The following SRGAP3 variants were observed in gnomAD, a reference collection of about 807,000 sequenced individuals.
The protein encoded by SRGAP3 is SLIT-ROBO Rho GTPase activating protein 3.
Under a neutral mutation model 121.1 loss-of-function variants are expected in SRGAP3, and 39 were observed. The observed-to-expected ratio is 0.32, with a 90% CI of 0.25 to 0.42. The LOEUF is 0.42. Among genes scored for constraint, SRGAP3 ranks in the 10% least tolerant of loss-of-function variants. The pLI is 1.00. For synonymous variants in SRGAP3, 601 were observed against 570.0 expected (o/e 1.05, Z -0.77); for missense variants, 1,213 against 1,470.6 (o/e 0.82, Z 2.86).
chr3:9,061,807 T>C (rs1002927795), intron 5 of SRGAP3, among the ~76,000 whole-genome samples: 8 of 152,072 alleles, frequency 5.3e-5, no homozygotes, highest in South Asian at 2.1e-4. Context: ...AGGGACCCAA[T>C]TGCCCCCCAG....
intron 3 of SRGAP3, among the ~76,000 whole-genome samples, chr3:9,096,268 A>C (rs1947961952): frequency 6.6e-6 from 1 of 152,208 alleles, no homozygotes; most frequent in Admixed American, 6.5e-5. Flanking sequence ...AAAATTATGA[A>C]ATATTTATAT....
rs1941422992 is a variant in SRGAP3 at position 8,981,713 on chromosome 3, G to T, written c.*3806C>A. 4.3e-6 allele frequency: 1 copy of T among 230,892 alleles called. No homozygotes were observed. The highest frequency in any genetic ancestry group is 8.6e-6 in the Non-Finnish European group (1 of 116,376). 14.3% of individuals were successfully genotyped at this position (230,892 alleles called of 1,614,324 possible). A position where few individuals can be genotyped will look rare whatever the true frequency, so the allele number is the denominator to read the frequency against. ...ACAAACCGGTTTTAAATGTTTATAAGGCAGATCTCTGAACTGCTGGTTCCA... is the reference window on the plus strand; with the variant it reads ...ACAAACCGGTTTTAAATGTTTATAATGCAGATCTCTGAACTGCTGGTTCCA... On this transcript the variant is annotated 3_prime_UTR_variant, in exon 22 of 22. Transcript: ENST00000383836.
chr3:9,067,897 T>C (rs1416383240), intron 4 of SRGAP3, among the ~76,000 whole-genome samples: 1 of 152,160 alleles, frequency 6.6e-6, no homozygotes, highest in Non-Finnish European at 1.5e-5. Flanking sequence ...AGGGGGTTTC[T>C]AGGAGTTTTA....
Position 9,104,780 on chromosome 3 carries a change from C to T in SRGAP3, c.323G>A (p.Arg108Gln), listed in dbSNP as rs764134718. Residue 108 changes from arginine to glutamine, a missense_variant, in exon 3 of 22, where the codon CGG (arginine) becomes CAG (glutamine). By Grantham distance (43) the Arg-to-Gln change is conservative (BLOSUM62 1). Around this residue, in one of 2 missense-constraint regions of SRGAP3, gnomAD observed 793 missense variants for 1,032.9 expected, o/e 0.77. Coordinates refer to ENST00000383836, the MANE Select transcript of SRGAP3 (RefSeq NM_014850.4). ...GAGGGTGGCATGGTCTCGGCTCTCC[C>T]GCCGGGTCTGATGCAGAACCAGATA... ...CWYLVLHQTRRESRDHATLND... is the reference protein window; with the variant it reads ...CWYLVLHQTRQESRDHATLND... 100 of 1,614,122 alleles carry T rather than the reference C, an allele frequency of 6.2e-5. 2 individuals are homozygous for T. Among genetic ancestry groups the T allele is most frequent in the South Asian group, 5.4e-4 (49 of 91,086 alleles).
intron 1 of SRGAP3, among the ~76,000 whole-genome samples, chr3:9,132,849 G>T (rs1024478681): frequency 2.1e-4 from 32 of 151,228 alleles, no homozygotes; most frequent in African/African-American, 7.0e-4. Flanking sequence ...GAAATATAGG[G>T]TTTTTTTTAA....
intron 1 of SRGAP3, among the ~76,000 whole-genome samples, chr3:9,141,662 T>C (rs755596337): frequency 1.3e-5 from 2 of 150,602 alleles, no homozygotes; most frequent in Non-Finnish European, 3.0e-5. Flanking sequence ...TTTCAATCCA[T>C]TCCACAACAG....
At chr3:9,126,281 G>T (rs1008383321) in intron 1 of SRGAP3, among the ~76,000 whole-genome samples, 2 of 152,142 alleles carry the variant, frequency 1.3e-5, no homozygotes, top group African/African-American at 4.8e-5. Context: ...AATCTATGAT[G>T]CAGTGTCCCA....
intron 3 of SRGAP3, among the ~76,000 whole-genome samples, chr3:9,276,490 A>G (rs1954581114): frequency 6.6e-6 from 1 of 151,094 alleles, no homozygotes; most frequent in South Asian, 2.1e-4. Flanking sequence ...CAATGGCGCA[A>G]TCTCGGCTCA....
chr3:9,314,133 A>G (rs1290916636), intron 3 of SRGAP3, among the ~76,000 whole-genome samples: 1 of 152,238 alleles, frequency 6.6e-6, no homozygotes, highest in Non-Finnish European at 1.5e-5. Context: ...CTTGATAAAT[A>G]GCTATTGAAT....
chr3:9,263,350 C>A (rs552742498), intron 3 of SRGAP3, among the ~76,000 whole-genome samples: 1 of 151,758 alleles, frequency 6.6e-6, no homozygotes, highest in African/African-American at 2.4e-5. Flanking sequence ...TACCAGAAGA[C>A]GAGAAATAAC....
At chr3:9,089,840 G>A (rs181803077) in intron 3 of SRGAP3, among the ~76,000 whole-genome samples, 10 of 152,238 alleles carry the variant, frequency 6.6e-5, no homozygotes, top group South Asian at 2.1e-4. Flanking sequence ...AGACAAACAC[G>A]TGTTCCAGGC....
chr3:8,981,473 C>CT lies in SRGAP3; in HGVS notation c.*4045dup, dbSNP rs1271333694. 2 of 232,428 alleles carry CT rather than the reference C, an allele frequency of 8.6e-6. No individual in the cohort carries two copies. Among genetic ancestry groups the CT allele is most frequent in the Non-Finnish European group, 1.7e-5 (2 of 117,512 alleles). 14.4% of individuals were successfully genotyped at this position (232,428 alleles called of 1,614,324 possible). A position where few individuals can be genotyped will look rare whatever the true frequency, so the allele number is the denominator to read the frequency against. On this transcript the variant is annotated 3_prime_UTR_variant, in exon 22 of 22. Coordinates refer to ENST00000383836, the MANE Select transcript of SRGAP3 (RefSeq NM_014850.4). ...GTGTGAAAAGTTAGGAATAGAAAGACTGAGAGGAAGAACCATTACCCGAGT... is the reference window on the plus strand; with the variant it reads ...GTGTGAAAAGTTAGGAATAGAAAGACTTGAGAGGAAGAACCATTACCCGAGT...
intron 7 of SRGAP3, 147 bp from the exon 8 acceptor site, chr3:9,056,481 C>T (rs1945828728): frequency 4.9e-6 from 4 of 812,380 alleles, no homozygotes; most frequent in South Asian, 3.3e-5. Flanking sequence ...GGTCACAGAG[C>T]TCATAAGTGG....
At chr3:9,336,023 T>C (rs1955687027) in intron 1 of SRGAP3, among the ~76,000 whole-genome samples, 2 of 151,924 alleles carry the variant, frequency 1.3e-5, no homozygotes, top group Non-Finnish European at 2.9e-5. Flanking sequence ...CACTGGGGAA[T>C]TAGAACATTA....
At chr3:9,034,051 G>A (rs1037775504) in intron 11 of SRGAP3, 1 of 152,250 alleles carries the variant, frequency 6.6e-6, no homozygotes, top group African/African-American at 2.4e-5. Context: ...CTTGGCCACA[G>A]GGAGGGGTAA....
In SRGAP3 at chr3:9,059,383, G is replaced by T. The variant is rs962171202; in HGVS notation, c.801+848C>A. ...GCAGGAAAGAGGAAGGTCTGGCCTT[G>T]GGCCATTTGGGAGCTCCCTCTCCTT... is the stretch of plus-strand genomic sequence containing the variant. On this transcript the variant is annotated intron_variant, in intron 6 of 21. Transcript: ENST00000383836. The T allele has an allele frequency of 3.3e-5, 5 of 152,278 alleles. No individual in the cohort carries two copies. The East Asian group carries it at 9.6e-4, about 29-fold the overall frequency. 9.4% of individuals were successfully genotyped at this position (152,278 alleles called of 1,614,324 possible). A position where few individuals can be genotyped will look rare whatever the true frequency, so the allele number is the denominator to read the frequency against.
upstream of SRGAP3, among the ~76,000 whole-genome samples, chr3:9,252,032 G>A (rs780349789): frequency 1.3e-5 from 2 of 152,176 alleles, no homozygotes; most frequent in Admixed American, 6.5e-5. Flanking sequence ...GTTCTTCAAC[G>A]TTGGAGGTGG....
At chr3:9,306,175 A>G (rs2125276657) in intron 3 of SRGAP3, among the ~76,000 whole-genome samples, 1 of 152,172 alleles carries the variant, frequency 6.6e-6, no homozygotes, top group African/African-American at 2.4e-5. Flanking sequence ...GATGACGAGC[A>G]TTTTTTCATG....
chr3:9,264,299 G>C (rs1250860191), intron 3 of SRGAP3, among the ~76,000 whole-genome samples: 1 of 152,200 alleles, frequency 6.6e-6, no homozygotes, highest in African/African-American at 2.4e-5. Context: ...CATTCCCTTT[G>C]AAAACTGGCA....
Sources: gnomAD v4.1 joint callset for allele counts (sites outside exome capture counted in the v4.1 genomes callset) on GRCh38, gnomAD v4.1.1 for gene constraint, gnomAD v4.1.1 regional missense constraint, MANE v1.5 for transcripts, NCBI Gene and HGNC (gene_info 2026-07-23, HGNC 2026-07-21) for gene names.